The following AGBL1 variants were observed in gnomAD, a reference collection of about 807,000 sequenced individuals.
The protein encoded by AGBL1 is AGBL carboxypeptidase 1, also known as cytosolic carboxypeptidase 4.
A neutral mutation model predicts 118.9 loss-of-function variants in AGBL1; 130 were observed. The observed-to-expected ratio is 1.09, with a 90% confidence interval of 0.95 to 1.26. The LOEUF is 1.26. Among genes scored for constraint, AGBL1 ranks in the 50% most tolerant of loss-of-function variants. The probability of loss-of-function intolerance (pLI) is 0.00; values close to 1 mark genes in which losing one functional copy is unlikely to be tolerated. For synonymous variants in AGBL1, 555 were observed against 478.9 expected (o/e 1.16, Z -2.08); for missense variants, 1,584 against 1,298.1 (o/e 1.22, Z -3.38).
In AGBL1 at chr15:86,667,800, A is replaced by G. The variant is rs140135419; in HGVS notation, c.2995-6473A>G. Among the ~76,000 whole-genome samples, 38 of 152,204 alleles carry G rather than the reference A, an allele frequency of 2.5e-4. No individual in the cohort carries two copies. The East Asian group carries it at 7.2e-3, about 29-fold the overall frequency. On this transcript the variant is annotated intron_variant, in intron 21 of 22. Transcript: ENST00000614907. ...TTCCCTAATCTCTTCTAAAATTCCT[A>G]TTTATATGTTTAGCTCATCATTTTA... is the stretch of plus-strand genomic sequence containing the variant.
rs190241848 is a variant in AGBL1, at chr15:86,609,493, G to T, written c.2994+54956G>T. Among the ~76,000 whole-genome samples, 115 of 152,220 alleles carry T rather than the reference G, an allele frequency of 7.6e-4. 2 individuals are homozygous for T. The East Asian group carries it at 0.018, about 24-fold the overall frequency. Reference sequence around the variant, plus strand: ...TGTGGTAGGGAGTATTGGCACCTGTGGGGTAGGGTATGTGTAGTTCTAGGA... The same window carrying T: ...TGTGGTAGGGAGTATTGGCACCTGTTGGGTAGGGTATGTGTAGTTCTAGGA... On this transcript the variant is annotated intron_variant, in intron 21 of 22. Transcript: ENST00000614907.
chr15:86,408,508 G>A (rs2081565877), intron 18 of AGBL1, among the ~76,000 whole-genome samples: 1 of 152,180 alleles, frequency 6.6e-6, no homozygotes, highest in African/African-American at 2.4e-5. Flanking sequence ...TGACAAAGGA[G>A]CTTAAACTTG....
At chr15:86,625,390 T>G (rs2084871685) in intron 21 of AGBL1, among the ~76,000 whole-genome samples, 1 of 102,884 alleles carries the variant, frequency 9.7e-6, no homozygotes, top group African/African-American at 3.7e-5. Context: ...TTTTTGTTTT[T>G]TTTTTTTTTT....
intron 22 of AGBL1, among the ~76,000 whole-genome samples, chr15:86,755,539 AC>A (rs2077924509): frequency 2.0e-5 from 3 of 152,174 alleles, no homozygotes; most frequent in African/African-American, 7.2e-5. Flanking sequence ...GATATAACGT[AC>A]CGTTCATTTT....
At chr15:86,650,327 A>C (rs565794601) in intron 21 of AGBL1, among the ~76,000 whole-genome samples, 4 of 152,202 alleles carry the variant, frequency 2.6e-5, no homozygotes, top group Non-Finnish European at 5.9e-5. Context: ...TGTTTCAGCC[A>C]TCAGTCATCT....
intron 23 of AGBL1, among the ~76,000 whole-genome samples, chr15:86,980,700 TAG>T (rs780963122): frequency 2.2e-4 from 34 of 152,276 alleles, no homozygotes; most frequent in Non-Finnish European, 3.8e-4. Context: ...TCATACTAAA[TAG>T]AGTCTTGCAT....
chr15:86,423,190 A>G (rs1426549157), intron 18 of AGBL1, among the ~76,000 whole-genome samples: 3 of 152,218 alleles, frequency 2.0e-5, no homozygotes, highest in African/African-American at 7.2e-5. Flanking sequence ...ATCCTCAATA[A>G]AACACTGGCA....
chr15:86,286,687 A>ATATATATATGTGTGTGTG (rs937365866), intron 16 of AGBL1, among the ~76,000 whole-genome samples: 2 of 130,982 alleles, frequency 1.5e-5, no homozygotes, highest in Admixed American at 7.8e-5. Flanking sequence ...GTATGTATGT[A>ATATATATATGTGTGTGTG]TATATATATG....
chr15:86,877,665 AC>A, intron 22 of AGBL1, among the ~76,000 whole-genome samples: 2 of 152,222 alleles, frequency 1.3e-5, no homozygotes, highest in Admixed American at 1.3e-4. Flanking sequence ...ACCCTGGGAG[AC>A]AATGAGATTT....
chr15:86,304,203 C>A (rs2079800521), intron 17 of AGBL1, among the ~76,000 whole-genome samples: 1 of 152,124 alleles, frequency 6.6e-6, no homozygotes, highest in Non-Finnish European at 1.5e-5. Context: ...ACTCTGCATT[C>A]CTCTCCCACC....
intron 21 of AGBL1, among the ~76,000 whole-genome samples, chr15:86,572,026 G>A (rs2084017254): frequency 1.3e-5 from 2 of 152,322 alleles, no homozygotes; most frequent in Middle Eastern, 3.4e-3. Context: ...GGCCAAGCCG[G>A]CAGGCGTCTG....
At chr15:86,768,688 ATTTTCT>A (rs1357457303) in intron 22 of AGBL1, among the ~76,000 whole-genome samples, 1 of 151,778 alleles carries the variant, frequency 6.6e-6, no homozygotes, top group Middle Eastern at 3.2e-3. Context: ...CATTTTCTAG[ATTTTCT>A]TTATGGGAGT....
chr15:86,449,031 A>G (rs1232607884), intron 18 of AGBL1, among the ~76,000 whole-genome samples: 1 of 152,210 alleles, frequency 6.6e-6, no homozygotes, highest in Non-Finnish European at 1.5e-5. Flanking sequence ...GGGTAACAAT[A>G]AAAGTTAAAG....
chr15:86,378,900 GT>G (rs113439108), intron 17 of AGBL1, among the ~76,000 whole-genome samples: 8,799 of 144,124 alleles, frequency 0.061, 708 homozygotes, highest in African/African-American at 0.19. Flanking sequence ...GATCACTTTA[GT>G]TTTTTTTTTT....
chr15:86,569,946 T>C (rs2083978046), intron 21 of AGBL1, among the ~76,000 whole-genome samples: 1 of 152,258 alleles, frequency 6.6e-6, no homozygotes, highest in Non-Finnish European at 1.5e-5. Context: ...GGTTTATCTC[T>C]GTAAATCTTA....
chr15:86,089,639 C>G (rs1370043930), intron 1 of AGBL1, among the ~76,000 whole-genome samples: 1 of 152,132 alleles, frequency 6.6e-6, no homozygotes, highest in Non-Finnish European at 1.5e-5. Context: ...CACCCTTCCC[C>G]TGACCAATTC....
intron 21 of AGBL1, among the ~76,000 whole-genome samples, chr15:86,649,055 T>A (rs1596336268): frequency 6.6e-6 from 1 of 152,104 alleles, no homozygotes; most frequent in East Asian, 1.9e-4. Context: ...CTGATGGGAA[T>A]GATCTAGCAG....
intron 5 of AGBL1, among the ~76,000 whole-genome samples, chr15:86,188,994 T>TAA: frequency 6.6e-6 from 1 of 152,342 alleles, no homozygotes; most frequent in East Asian, 1.9e-4. Flanking sequence ...TGAATAGTTT[T>TAA]AAGTTGTGAC....
intron 22 of AGBL1, among the ~76,000 whole-genome samples, chr15:86,746,651 T>C (rs552314521): frequency 5.3e-5 from 8 of 152,168 alleles, no homozygotes; most frequent in East Asian, 3.9e-4. Flanking sequence ...AAACAAATAT[T>C]TCTTCAATGA....
Sources: gnomAD v4.1 joint callset for allele counts (sites outside exome capture counted in the v4.1 genomes callset) on GRCh38, gnomAD v4.1.1 for gene constraint, MANE v1.5 for transcripts, NCBI Gene and HGNC (gene_info 2026-07-23, HGNC 2026-07-21) for gene names.